Variants in C11orf65 observed in about 807,000 individuals in gnomAD.
C11orf65 encodes the protein chromosome 11 open reading frame 65.
Under a neutral mutation model 35.3 loss-of-function variants are expected in C11orf65, and 38 were observed. The observed-to-expected ratio is 1.08, with a 90% confidence interval of 0.83 to 1.41. The LOEUF (loss-of-function observed/expected upper bound fraction) is 1.41, where lower values mean the gene tolerates loss of function less well. Among genes scored for constraint, C11orf65 ranks in the 40% most tolerant of loss-of-function variants. The pLI is 0.00. For synonymous variants in C11orf65, 105 were observed against 114.4 expected (o/e 0.92, Z 0.53); for missense variants, 370 against 367.1 (o/e 1.01, Z -0.06).
At chr11:108,456,376 A>G (rs534063186) in intron 2 of C11orf65, among the ~76,000 whole-genome samples, 1 of 152,308 alleles carries the variant, frequency 6.6e-6, no homozygotes, top group East Asian at 1.9e-4. Flanking sequence ...TGGATACTAT[A>G]TATCAATCTG....
chr11:108,327,260 T>C, downstream of C11orf65: 1 of 264,560 alleles, frequency 3.8e-6, no homozygotes, highest in Non-Finnish European at 7.4e-6. Context: ...CTGAAGTATG[T>C]GCTGTCTGGA....
intron 2 of C11orf65, among the ~76,000 whole-genome samples, chr11:108,363,643 C>A (rs2091040932): frequency 1.3e-5 from 2 of 152,134 alleles, no homozygotes; most frequent in Non-Finnish European, 2.9e-5. Flanking sequence ...AAAGAAATAC[C>A]CCATCCAAAA....
chr11:108,437,113 G>GGA lies in C11orf65; in HGVS notation c.82-5276_82-5275insTC, dbSNP rs372612127. Among the ~76,000 whole-genome samples, 765 of 148,340 alleles carry GGA rather than the reference G, an allele frequency of 5.2e-3. 10 individuals carry two copies. Among genetic ancestry groups the GGA allele is most frequent in the Middle Eastern group, 0.027 (8 of 292 alleles). ...TTACGACAAAAAAAAAAAAAAAAGG[G>GGA]GGGGGGTGGACAAAATTTTAAAAAT... On this transcript the variant is annotated intron_variant, in intron 2 of 8. Coordinates refer to ENST00000393084, the MANE Select transcript of C11orf65 (RefSeq NM_152587.5).
At chr11:108,425,771 T>C (rs2092892946) in intron 3 of C11orf65, among the ~76,000 whole-genome samples, 1 of 152,140 alleles carries the variant, frequency 6.6e-6, no homozygotes, top group Non-Finnish European at 1.5e-5. Flanking sequence ...AAACCGAATC[T>C]AGCAGCACAT....
In C11orf65 at chr11:108,354,926, T is replaced by G. The variant is rs956706278; in HGVS notation, c.227-19634A>C. On this transcript the variant is annotated intron_variant, in intron 2 of 3. Transcript: ENST00000524755. ...ATTTTTTTTCTTACCAGGTAGACTG[T>G]GTATCTCATCAGGAAGTCACTGATG... 2.7e-6 allele frequency: 4 copies of G among 1,469,108 alleles called. No homozygotes were observed. The African/African-American group carries it at 5.6e-5, about 20-fold the overall frequency. 91.0% of individuals were successfully genotyped at this position (1,469,108 alleles called of 1,614,324 possible). A position where few individuals can be genotyped will look rare whatever the true frequency, so the allele number is the denominator to read the frequency against.
intron 3 of C11orf65, among the ~76,000 whole-genome samples, chr11:108,334,284 AGGAAGGTTCCAATT>A (rs1310896470): frequency 2.6e-5 from 4 of 152,202 alleles, no homozygotes; most frequent in African/African-American, 9.7e-5. Flanking sequence ...TGACTTGGCA[AGGAAGGTTCCAATT>A]GTCATATATT....
intron 2 of C11orf65, chr11:108,366,318 T>G (rs2091327906): frequency 4.7e-6 from 1 of 211,422 alleles, no homozygotes; most frequent in Non-Finnish European, 9.6e-6. Context: ...TCCATTGGGC[T>G]TCTTCTTTCA....
chr11:108,463,604 C>T (rs2093497967), intron 1 of C11orf65, among the ~76,000 whole-genome samples: 1 of 151,918 alleles, frequency 6.6e-6, no homozygotes, highest in African/African-American at 2.4e-5. Flanking sequence ...ATGATTTTGC[C>T]GAAGTTACTT....
rs1034285986 is a variant in C11orf65 at position 108,453,573 on chromosome 11, C to T, written c.81+7906G>A. Reference sequence around the variant, plus strand: ...AATAGGAAAAGATGTCATGTAGGTACTCACCAAAAGAACACTAGGGTAGCT... The same window carrying T: ...AATAGGAAAAGATGTCATGTAGGTATTCACCAAAAGAACACTAGGGTAGCT... On this transcript the variant is annotated intron_variant, in intron 2 of 8. Transcript: ENST00000393084. Among the ~76,000 whole-genome samples, 8 of 152,174 alleles carry T rather than the reference C, an allele frequency of 5.3e-5. No individual in the cohort carries two copies. In the Middle Eastern group the frequency reaches 0.01, roughly 194 times the overall value.
Position 108,374,817 on chromosome 11 carries a change from G to C in C11orf65, c.226+18391C>G, listed in dbSNP as rs1306151400. On this transcript the variant is annotated intron_variant, in intron 2 of 3. Coordinates refer to the C11orf65 transcript ENST00000524755. ...AGGAGCTGATGGAGCTGAAAGCCAA[G>C]GCTCGAAAACTACGTGAAGAATGCA... Among the ~76,000 whole-genome samples, 4 of 152,190 alleles carry C rather than the reference G, an allele frequency of 2.6e-5. No individual in the cohort carries two copies. In the South Asian group the frequency reaches 8.3e-4, roughly 31 times the overall value.
At chr11:108,368,669 A>G (rs1290184506) in intron 2 of C11orf65, 3 of 217,498 alleles carry the variant, frequency 1.4e-5, no homozygotes, top group East Asian at 1.4e-4. Context: ...TGAAGCTATC[A>G]GAGAAGCTAA....
chr11:108,445,344 G>C (rs1253607951), intron 2 of C11orf65, among the ~76,000 whole-genome samples: 1 of 152,166 alleles, frequency 6.6e-6, no homozygotes, highest in African/African-American at 2.4e-5. Context: ...GCCTAACTGG[G>C]AGGCACCCCC....
At chr11:108,333,024 T>G in intron 3 of C11orf65, 1 of 1,234,224 alleles carries the variant, frequency 8.1e-7, no homozygotes, top group East Asian at 2.5e-5. Context: ...AAAGCTTAAT[T>G]TATATCTGAT....
intron 2 of C11orf65, among the ~76,000 whole-genome samples, chr11:108,342,752 CTG>C (rs960069858): frequency 4.8e-4 from 73 of 152,230 alleles, no homozygotes; most frequent in African/African-American, 1.5e-3. Flanking sequence ...CATTTTCTCT[CTG>C]TGAAGATAAT....
At chr11:108,354,089 A>G (rs2089585785) in intron 2 of C11orf65, among the ~76,000 whole-genome samples, 2 of 151,560 alleles carry the variant, frequency 1.3e-5, no homozygotes, top group Non-Finnish European at 2.9e-5. Context: ...ACACACACAC[A>G]CACACACACA....
chr11:108,448,784 G>A (rs1272969569), intron 2 of C11orf65, among the ~76,000 whole-genome samples: 1 of 152,208 alleles, frequency 6.6e-6, no homozygotes, highest in African/African-American at 2.4e-5. Context: ...TTCTGGCCAG[G>A]GCAATTAGGC....
chr11:108,433,275 A>C (rs61913877), intron 2 of C11orf65, among the ~76,000 whole-genome samples: 1 of 148,908 alleles, frequency 6.7e-6, no homozygotes, highest in African/African-American at 2.5e-5. Flanking sequence ...ATATATATAG[A>C]TATATATAGA....
rs149060702 is a variant in C11orf65 at position 108,449,727 on chromosome 11, C to T, written c.81+11752G>A. On this transcript the variant is annotated intron_variant, in intron 2 of 8. Coordinates refer to ENST00000393084, the MANE Select transcript of C11orf65 (RefSeq NM_152587.5). ...ATACCATTCAGGACATAGGCATAGG[C>T]AAGGACTTCATGTCTGAAACACCAA... 2.8e-3 allele frequency among the ~76,000 whole-genome samples: 421 copies of T among 152,050 alleles called. 5 individuals carry two copies. The highest frequency in any genetic ancestry group is 9.7e-3 in the African/African-American group (403 of 41,340).
At chr11:108,466,588 C>A (rs989820818) in intron 1 of C11orf65, among the ~76,000 whole-genome samples, 1 of 152,118 alleles carries the variant, frequency 6.6e-6, no homozygotes. Context: ...CAAACAACAA[C>A]AAAAAACTAA....
Sources: gnomAD v4.1 joint callset for allele counts (sites outside exome capture counted in the v4.1 genomes callset) on GRCh38, gnomAD v4.1.1 for gene constraint, MANE v1.5 for transcripts, NCBI Gene and HGNC (gene_info 2026-07-23, HGNC 2026-07-21) for gene names.